The following INPP5K variants were observed in gnomAD, a reference collection of about 807,000 sequenced individuals.
INPP5K encodes inositol polyphosphate-5-phosphatase K.
A neutral mutation model predicts 53.5 loss-of-function variants in INPP5K; 35 were observed. That is an observed-to-expected ratio of 0.65 (90% CI 0.50 to 0.87). The LOEUF (loss-of-function observed/expected upper bound fraction) is 0.87. INPP5K is among the 40% of genes least tolerant of loss of function. INPP5K has a pLI of 0.00. For missense variants in INPP5K, 550 were observed against 586.2 expected (o/e 0.94, Z 0.64); for synonymous variants, 253 against 232.8 (o/e 1.09, Z -0.79).
chr17:1,495,975 C>A lies in INPP5K; in HGVS notation c.1290+85G>T, dbSNP rs766391412. Reference sequence around the variant, plus strand: ...TGCACTGCAGCGGCCCCTCATGTACCGGCTGGCTCCCAGGCCTGGGCCTCA... The same window carrying A: ...TGCACTGCAGCGGCCCCTCATGTACAGGCTGGCTCCCAGGCCTGGGCCTCA... On this transcript the variant is annotated intron_variant, in intron 11 of 11. Transcript: ENST00000421807. 1.4e-4 allele frequency: 196 copies of A among 1,410,458 alleles called. No homozygotes were observed. In the Middle Eastern group the frequency reaches 5.0e-3, roughly 36 times the overall value. 87.4% of individuals were successfully genotyped at this position (1,410,458 alleles called of 1,614,324 possible).
rs1274706069 is a variant in INPP5K, at chr17:1,512,874, T to TAA, written c.261+578_261+579insTT. ...AGCCACGCCTAAGATCTGTCAGTCT[T>TAA]AGAGTTCACCAGCATAGCAATAAGG... On this transcript the variant is annotated intron_variant, in intron 3 of 11. Transcript: ENST00000421807. Among the ~76,000 whole-genome samples the TAA allele has an allele frequency of 2.6e-5, 4 of 152,342 alleles. No individual in the cohort carries two copies. The East Asian group carries it at 7.7e-4, about 29-fold the overall frequency.
Position 1,515,662 on chromosome 17 carries a change from G to A in INPP5K, c.44+794C>T, listed in dbSNP as rs981680424. 1.4e-5 allele frequency: 13 copies of A among 910,646 alleles called. No individual in the cohort carries two copies. The African/African-American group carries it at 2.2e-4, about 15-fold the overall frequency. The allele number at this position is 910,646 out of a possible 1,614,324, so 56.4% of individuals were successfully genotyped here. A position where few individuals can be genotyped will look rare whatever the true frequency, so the allele number is the denominator to read the frequency against. On this transcript the variant is annotated intron_variant, in intron 1 of 11. Coordinates refer to ENST00000421807, the MANE Select transcript of INPP5K (RefSeq NM_016532.4). ...AAACATCTCTCCTCCAACAGACCCC[G>A]TCCTTAGAGGTCGACGTTCTCAAAA...
chr17:1,516,531 A>G lies in INPP5K; in HGVS notation c.-32T>C, dbSNP rs1278150016. 1.9e-6 allele frequency: 3 copies of G among 1,547,896 alleles called. No homozygotes were observed. The highest frequency in any genetic ancestry group is 2.6e-6 in the Non-Finnish European group (3 of 1,156,950). ...CGTCGTCCCCGCGCGGTGGTCCGGCAGGTTCGCGTCTCCCGGCCAGCGGGT... is the reference window on the plus strand; with the variant it reads ...CGTCGTCCCCGCGCGGTGGTCCGGCGGGTTCGCGTCTCCCGGCCAGCGGGT... On this transcript the variant is annotated 5_prime_UTR_variant, in exon 1 of 12. Transcript: ENST00000421807.
chr17:1,499,470 G>C (rs528967973), intron 7 of INPP5K, among the ~76,000 whole-genome samples: 1 of 152,254 alleles, frequency 6.6e-6, no homozygotes, highest in Non-Finnish European at 1.5e-5. Context: ...TCTAGCCTGG[G>C]CGACAGAGCA....
At chr17:1,515,588 G>A in intron 1 of INPP5K, 1 of 985,698 alleles carries the variant, frequency 1.0e-6, no homozygotes, top group African/African-American at 1.7e-5. Context: ...CTGGAGATCT[G>A]GAATGGCAGA....
rs750781027 is a variant in INPP5K at position 1,513,957 on chromosome 17, C to A, written c.67G>T (p.Val23Leu). The A allele has an allele frequency of 1.9e-6, 3 of 1,611,960 alleles. No homozygotes were observed. Among genetic ancestry groups the A allele is most frequent in the Non-Finnish European group, 2.5e-6 (3 of 1,178,628 alleles). ...TCTAGAGGGGGCGCTGCCGAAGCCA[C>A]GTTCCAAGTCACGACGTGTATGCTG... ...RLSIHVVTWN[V>L]ASAAPPLDLS... The change falls in exon 2 of 12, where the codon GTG becomes TTG. Residue 23 changes from valine (V) to leucine (L), a missense_variant. By Grantham distance (32) the Val-to-Leu change is conservative (BLOSUM62 1). Transcript: ENST00000421807.
intron 7 of INPP5K, among the ~76,000 whole-genome samples, chr17:1,502,304 G>A (rs578033616): frequency 4.6e-5 from 7 of 151,940 alleles, no homozygotes; most frequent in South Asian, 2.1e-4. Flanking sequence ...AGTGGAGATC[G>A]CGCCACTGCA....
chr17:1,500,580 T>C (rs189720376), intron 7 of INPP5K, among the ~76,000 whole-genome samples: 8 of 152,256 alleles, frequency 5.3e-5, no homozygotes, highest in African/African-American at 1.7e-4. Flanking sequence ...TTAGCCAGGA[T>C]GGTCTTGATC....
intron 7 of INPP5K, among the ~76,000 whole-genome samples, chr17:1,506,364 G>A (rs2075155381): frequency 1.3e-5 from 2 of 152,184 alleles, no homozygotes; most frequent in South Asian, 2.1e-4. Flanking sequence ...TCTCTCCCAT[G>A]GTTACTGGGT....
At chr17:1,515,454 C>T (rs2075412025) in intron 1 of INPP5K, 5 of 985,450 alleles carry the variant, frequency 5.1e-6, no homozygotes, top group Admixed American at 6.1e-5. Context: ...CAGTCAGTCA[C>T]AGCAGCTCTT....
At position 1,498,094 on chromosome 17, in the gene INPP5K, C is replaced by T. The variant is rs761612652; in HGVS notation, c.805G>A (p.Asp269Asn). 5.6e-6 allele frequency: 9 copies of T among 1,613,130 alleles called. No homozygotes were observed. Among genetic ancestry groups the T allele is most frequent in the East Asian group, 2.2e-5 (1 of 44,884 alleles). Residue 269 changes from aspartate (D) to asparagine (N), a missense_variant, in exon 8 of 12, where the codon GAT becomes AAT. Transcript: ENST00000421807. ...SEKKRKPAWT[D>N]RILWRLKRQP... ...CGCTTCAGCCTCCACAGGATGCGAT[C>T]GGTCCATGCAGGCTTGCGTTTTTTC...
chr17:1,510,719 T>C (rs1456300596), intron 3 of INPP5K, among the ~76,000 whole-genome samples: 1 of 152,178 alleles, frequency 6.6e-6, no homozygotes, highest in African/African-American at 2.4e-5. Flanking sequence ...CTTGACATCC[T>C]GGGCTCAGGC....
chr17:1,507,151 C>T, intron 6 of INPP5K, 62 bp from the exon 7 acceptor site: 4 of 1,266,764 alleles, frequency 3.2e-6, no homozygotes, highest in Non-Finnish European at 4.6e-6. Context: ...CAGTACCACA[C>T]TCCATTCAAG....
chr17:1,499,411 T>C (rs1288404133), intron 7 of INPP5K, among the ~76,000 whole-genome samples: 2 of 152,022 alleles, frequency 1.3e-5, no homozygotes, highest in Non-Finnish European at 2.9e-5. Flanking sequence ...GATAATTGCT[T>C]GAAGCTGGCA....
chr17:1,513,556 T>G lies in INPP5K; in HGVS notation c.158A>C (p.Gln53Pro), dbSNP rs2075358003. The G allele has an allele frequency of 6.2e-7, 1 of 1,614,120 alleles. No homozygotes were observed. The highest frequency in any genetic ancestry group is 1.7e-5 in the Admixed American group (1 of 60,032). The stretch of plus-strand genomic sequence containing the variant: ...GCTTATGATCCCAGAGTTCAATTCC[T>G]GCAAACTGACCATGCCAGCTCAGAG... ...LNLDIYVIGL[Q>P]ELNSGIISLL... The change falls in exon 3 of 12, where the codon CAG becomes CCG. Residue 53 changes from glutamine to proline, a missense_variant. Physicochemically the swap from Gln to Pro is moderately conservative, Grantham distance 76 (BLOSUM62 -1). Coordinates refer to ENST00000421807, the MANE Select transcript of INPP5K (RefSeq NM_016532.4).
At chr17:1,511,446 G>C (rs1374890212) in intron 3 of INPP5K, among the ~76,000 whole-genome samples, 1 of 152,200 alleles carries the variant, frequency 6.6e-6, no homozygotes, top group African/African-American at 2.4e-5. Flanking sequence ...ATGAAGTGTG[G>C]AGGCCAAGGA....
chr17:1,511,264 A>AGCCT (rs1308783779), intron 3 of INPP5K, among the ~76,000 whole-genome samples: 194 of 152,326 alleles, frequency 1.3e-3, no homozygotes, highest in African/African-American at 4.4e-3. Flanking sequence ...TAGGGAGGCT[A>AGCCT]AGGAACCAGT....
intron 6 of INPP5K, 123 bp from the exon 7 acceptor site, chr17:1,507,212 C>T (rs2075180199): frequency 3.0e-6 from 2 of 659,868 alleles, no homozygotes; most frequent in East Asian, 5.7e-5. Context: ...AATGCCACTC[C>T]AATTCCTCAC....
At chr17:1,501,028 A>G (rs1373529879) in intron 7 of INPP5K, among the ~76,000 whole-genome samples, 6 of 144,852 alleles carry the variant, frequency 4.1e-5, no homozygotes, top group Non-Finnish European at 9.0e-5. Flanking sequence ...GCGCAATCTC[A>G]GCTCACTGCA....
Sources: gnomAD v4.1 joint callset for allele counts (sites outside exome capture counted in the v4.1 genomes callset) on GRCh38, gnomAD v4.1.1 for gene constraint, MANE v1.5 for transcripts, NCBI Gene and HGNC (gene_info 2026-07-23, HGNC 2026-07-21) for gene names.